Variants in VPS54 observed in about 807,000 individuals in gnomAD.
The protein encoded by VPS54 is vacuolar protein sorting-associated protein 54.
Under a neutral mutation model 121.5 loss-of-function variants are expected in VPS54, and 45 were observed. The ratio of observed to expected loss-of-function variants is 0.37; its 90% CI spans 0.29 to 0.47. The LOEUF is 0.47. Ranked by LOEUF, VPS54 falls within the 20% of genes least tolerant of loss-of-function variation. The pLI is 0.99. For missense variants in VPS54, 1,090 were observed against 1,131.4 expected (o/e 0.96, Z 0.52); for synonymous variants, 371 against 385.8 (o/e 0.96, Z 0.45).
At position 63,899,608 on chromosome 2, in the gene VPS54, T is replaced by C. The variant is rs756562838; in HGVS notation, c.2626-27A>G. The C allele has an allele frequency of 7.6e-6, 12 of 1,576,906 alleles. No individual in the cohort carries two copies. In the East Asian group the frequency reaches 2.0e-4, roughly 26 times the overall value. ...TGGTAGGAAAAAATAATGAGAATTA[T>C]GTTCATGTCCTCTGAATTGCATAAT... is the stretch of plus-strand genomic sequence containing the variant. On this transcript the variant is annotated intron_variant, in intron 20 of 22. Coordinates refer to ENST00000272322, the MANE Select transcript of VPS54 (RefSeq NM_016516.3).
intron 3 of VPS54, among the ~76,000 whole-genome samples, chr2:63,976,566 G>A (rs1459848506): frequency 6.6e-6 from 1 of 151,956 alleles, no homozygotes; most frequent in Non-Finnish European, 1.5e-5. Flanking sequence ...GAACCCATCT[G>A]GGCCTGGTGA....
intron 1 of VPS54, among the ~76,000 whole-genome samples, chr2:64,017,706 C>G (rs2104720610): frequency 6.6e-6 from 1 of 152,278 alleles, no homozygotes; most frequent in Admixed American, 6.5e-5. Context: ...AAAAGTGATC[C>G]TCAGACTGCC....
intron 17 of VPS54, among the ~76,000 whole-genome samples, chr2:63,913,573 C>A (rs903236867): frequency 3.3e-5 from 5 of 151,972 alleles, no homozygotes; most frequent in Non-Finnish European, 7.4e-5. Context: ...TTTGCATGTA[C>A]AAAACAAATT....
At chr2:63,909,767 T>G (rs1673064084) in intron 20 of VPS54, among the ~76,000 whole-genome samples, 1 of 143,310 alleles carries the variant, frequency 7.0e-6, no homozygotes, top group Admixed American at 7.1e-5. Flanking sequence ...TCTTGTTGCC[T>G]AGGCTGGAGT....
intron 12 of VPS54, among the ~76,000 whole-genome samples, chr2:63,923,535 T>A (rs1162185268): frequency 2.6e-5 from 4 of 152,220 alleles, no homozygotes; most frequent in South Asian, 2.1e-4. Flanking sequence ...CACTAATGGA[T>A]GAACAGATAA....
intron 15 of VPS54, among the ~76,000 whole-genome samples, chr2:63,918,814 A>G (rs1558990718): frequency 6.6e-6 from 1 of 151,990 alleles, no homozygotes; most frequent in Non-Finnish European, 1.5e-5. Flanking sequence ...CCTGCATGCC[A>G]AATCTGTTGA....
chr2:63,909,035 C>A (rs1051234760), intron 20 of VPS54, among the ~76,000 whole-genome samples: 1 of 152,160 alleles, frequency 6.6e-6, no homozygotes, highest in African/African-American at 2.4e-5. Flanking sequence ...TCTTATCTAT[C>A]CTTAAAAGCA....
chr2:63,968,896 G>C (rs968245248), intron 5 of VPS54, 61 bp downstream of exon 5: 4 of 1,314,892 alleles, frequency 3.0e-6, no homozygotes, highest in Non-Finnish European at 4.3e-6. Flanking sequence ...AAATCTGCTT[G>C]TAAGGCAAAA....
At chr2:63,902,238 A>T (rs985202098) in intron 20 of VPS54, among the ~76,000 whole-genome samples, 3 of 152,188 alleles carry the variant, frequency 2.0e-5, no homozygotes, top group Admixed American at 6.5e-5. Context: ...AAAGACTCCT[A>T]TTCTGTAGTG....
At chr2:64,006,048 G>A (rs1481898607) in intron 1 of VPS54, among the ~76,000 whole-genome samples, 2 of 152,186 alleles carry the variant, frequency 1.3e-5, no homozygotes, top group Non-Finnish European at 1.5e-5. Context: ...AACTACTCTA[G>A]ACTAAAATAA....
intron 1 of VPS54, among the ~76,000 whole-genome samples, chr2:64,006,414 C>T (rs1678156246): frequency 6.6e-6 from 1 of 152,196 alleles, no homozygotes; most frequent in South Asian, 2.1e-4. Context: ...AGAGTATTGG[C>T]CATACAATCA....
chr2:64,019,071 C>G lies in VPS54; in HGVS notation c.-154G>C, dbSNP rs1678855351. On this transcript the variant is annotated 5_prime_UTR_variant, in exon 1 of 23. Transcript: ENST00000272322. ...CCCGGCCGGGCCCGAGCCCGGGTTC[C>G]CGCCCCCGCCCCGCGCCCGCTGGCC... 2.6e-5 allele frequency: 4 copies of G among 151,248 alleles called. No individual in the cohort carries two copies. The highest frequency in any genetic ancestry group is 7.3e-5 in the African/African-American group (3 of 41,208). 9.4% of individuals were successfully genotyped at this position (151,248 alleles called of 1,614,324 possible). A position where few individuals can be genotyped will look rare whatever the true frequency, so the allele number is the denominator to read the frequency against.
chr2:63,919,773 T>C (rs1673553968), intron 15 of VPS54, 110 bp downstream of exon 15: 2 of 653,856 alleles, frequency 3.1e-6, no homozygotes, highest in Non-Finnish European at 4.9e-6. Flanking sequence ...GCTGGAAATA[T>C]TGGTTCTAGC....
intron 1 of VPS54, among the ~76,000 whole-genome samples, chr2:63,992,389 G>A (rs6758809): frequency 1.9e-3 from 288 of 152,260 alleles, no homozygotes; most frequent in African/African-American, 6.1e-3. Flanking sequence ...GAAAACATGC[G>A]GTATGTTCCT....
intron 20 of VPS54, among the ~76,000 whole-genome samples, chr2:63,900,774 G>T (rs550123334): frequency 1.3e-4 from 20 of 150,994 alleles, no homozygotes; most frequent in East Asian, 5.8e-4. Flanking sequence ...TGTTTTTTTT[G>T]ATTTTTTGAG....
chr2:63,927,160 C>A (rs987020021), intron 12 of VPS54, among the ~76,000 whole-genome samples: 2 of 152,178 alleles, frequency 1.3e-5, no homozygotes, highest in Non-Finnish European at 2.9e-5. Context: ...CTGTGGTTCT[C>A]CCAGCACAGT....
At chr2:63,929,364 A>G (rs1368382636) in intron 12 of VPS54, among the ~76,000 whole-genome samples, 1 of 152,216 alleles carries the variant, frequency 6.6e-6, no homozygotes, top group Non-Finnish European at 1.5e-5. Context: ...AAGAATCTCA[A>G]TCAAAACCAC....
intron 1 of VPS54, among the ~76,000 whole-genome samples, chr2:63,988,919 G>A (rs565811162): frequency 5.6e-4 from 86 of 152,250 alleles, no homozygotes; most frequent in Middle Eastern, 3.4e-3. Flanking sequence ...TGCCAAAAAC[G>A]AGTAAGAGAA....
At chr2:63,979,224 CTTTCT>C (rs1449573992) in intron 3 of VPS54, among the ~76,000 whole-genome samples, 6 of 147,942 alleles carry the variant, frequency 4.1e-5, no homozygotes, top group Admixed American at 1.3e-4. Flanking sequence ...GATGTTTATT[CTTTCT>C]TTTTTCTGTT....
Sources: allele counts gnomAD v4.1 joint callset (sites outside exome capture counted in the v4.1 genomes callset), GRCh38; gene constraint gnomAD v4.1.1; transcripts MANE v1.5; gene names NCBI Gene and HGNC (gene_info 2026-07-23, HGNC 2026-07-21).